MTUS2: variants seen among roughly 807,000 people sequenced by gnomAD.
MTUS2 encodes the protein microtubule associated scaffold protein 2, also known as microtubule-associated tumor suppressor candidate 2.
In MTUS2, 40 loss-of-function variants were observed where a neutral mutation model predicts 114.1. The ratio of observed to expected loss-of-function variants is 0.35; its 90% CI spans 0.27 to 0.46. The LOEUF (loss-of-function observed/expected upper bound fraction) is 0.46. Among genes scored for constraint, MTUS2 ranks in the 20% least tolerant of loss-of-function variants. The pLI is 1.00. For synonymous variants in MTUS2, 688 were observed against 672.0 expected (o/e 1.02, Z -0.37); for missense variants, 1,679 against 1,705.4 (o/e 0.98, Z 0.27).
At chr13:28,869,798 T>C (rs1160715780) in intron 2 of MTUS2, among the ~76,000 whole-genome samples, 1 of 152,046 alleles carries the variant, frequency 6.6e-6, no homozygotes, top group Non-Finnish European at 1.5e-5. Context: ...ACAAAAAAAG[T>C]AGTAAAACCA....
chr13:29,375,726 G>C (rs1348286543), intron 8 of MTUS2, among the ~76,000 whole-genome samples: 4 of 148,824 alleles, frequency 2.7e-5, no homozygotes, highest in Admixed American at 1.4e-4. Context: ...TTATTCTAAG[G>C]GGGGTTACTC....
chr13:29,472,333 A>C (rs1206459412), intron 9 of MTUS2, among the ~76,000 whole-genome samples: 1 of 152,054 alleles, frequency 6.6e-6, no homozygotes, highest in African/African-American at 2.4e-5. Flanking sequence ...TGGTCCATGA[A>C]CTTTCATCCT....
rs368384674 is a variant in MTUS2 at position 29,099,316 on chromosome 13, T to C, written c.2447-1457T>C. Among the ~76,000 whole-genome samples the C allele has an allele frequency of 2.6e-4, 40 of 152,332 alleles. 1 individual carries two copies. In the East Asian group the frequency reaches 7.3e-3, roughly 28 times the overall value. The stretch of plus-strand genomic sequence containing the variant: ...ATTTGCAGCCCCAGCTCTTTGCTTC[T>C]TTTTCCTTTTGCACTTACTCGGTTC... On this transcript the variant is annotated intron_variant, in intron 4 of 15. Coordinates refer to ENST00000612955, the MANE Select transcript of MTUS2 (RefSeq NM_001033602.4).
chr13:29,184,203 G>A (rs531548004), intron 5 of MTUS2, among the ~76,000 whole-genome samples: 102 of 152,204 alleles, frequency 6.7e-4, no homozygotes, highest in Non-Finnish European at 1.1e-3. Flanking sequence ...CAAGTATGCC[G>A]TTCAGCTACC....
At chr13:29,104,229 T>C (rs1237627226) in intron 5 of MTUS2, among the ~76,000 whole-genome samples, 2 of 152,198 alleles carry the variant, frequency 1.3e-5, no homozygotes, top group South Asian at 2.1e-4. Context: ...AAATGAATTA[T>C]GTTCATAGGT....
At chr13:29,172,601 A>T (rs1893607746) in intron 5 of MTUS2, among the ~76,000 whole-genome samples, 1 of 152,360 alleles carries the variant, frequency 6.6e-6, no homozygotes, top group South Asian at 2.1e-4. Flanking sequence ...ATAATTTATT[A>T]TAATAAAATT....
intron 7 of MTUS2, among the ~76,000 whole-genome samples, chr13:29,358,725 A>G (rs150226132): frequency 1.1e-3 from 172 of 152,302 alleles, no homozygotes; most frequent in African/African-American, 3.4e-3. Context: ...CATTGGTGCT[A>G]TAGGAATTTA....
intron 2 of MTUS2, among the ~76,000 whole-genome samples, chr13:28,938,793 T>C (rs1420918131): frequency 6.6e-6 from 1 of 152,168 alleles, no homozygotes; most frequent in Non-Finnish European, 1.5e-5. Context: ...AGTTAAGTGC[T>C]TCGGGCGTAC....
intron 5 of MTUS2, among the ~76,000 whole-genome samples, chr13:29,184,429 C>T (rs1894137021): frequency 6.6e-6 from 1 of 152,118 alleles, no homozygotes; most frequent in Non-Finnish European, 1.5e-5. Flanking sequence ...GGGCTGTGTG[C>T]ATTCTCAGGG....
chr13:29,469,637 A>AAAAG (rs57437952), intron 9 of MTUS2, among the ~76,000 whole-genome samples: 9,124 of 146,574 alleles, frequency 0.062, 1,020 homozygotes, highest in African/African-American at 0.22. Flanking sequence ...AAAAAAAAAA[A>AAAAG]AAAGAAAGAA....
intron 2 of MTUS2, among the ~76,000 whole-genome samples, chr13:28,898,176 T>TA (rs749362078): frequency 1.3e-5 from 2 of 152,160 alleles, no homozygotes; most frequent in African/African-American, 2.4e-5. Context: ...GGTTTCCTGT[T>TA]AAAAAATTCG....
intron 5 of MTUS2, among the ~76,000 whole-genome samples, chr13:29,132,832 A>G (rs1330538870): frequency 1.3e-5 from 2 of 152,194 alleles, no homozygotes; most frequent in African/African-American, 2.4e-5. Flanking sequence ...AAATATACAA[A>G]TATCTTTTTA....
intron 2 of MTUS2, among the ~76,000 whole-genome samples, chr13:29,018,230 C>T (rs1484317949): frequency 6.6e-6 from 1 of 152,100 alleles, no homozygotes; most frequent in Non-Finnish European, 1.5e-5. Context: ...AACATGTAGG[C>T]CCAGTGCTCA....
intron 5 of MTUS2, among the ~76,000 whole-genome samples, chr13:29,194,308 A>G (rs1267711328): frequency 2.6e-5 from 4 of 152,190 alleles, no homozygotes; most frequent in Admixed American, 6.5e-5. Context: ...TGAAGAGGCA[A>G]CCTACAAAAT....
At chr13:28,865,058 T>A (rs1877210539) in intron 2 of MTUS2, among the ~76,000 whole-genome samples, 1 of 152,210 alleles carries the variant, frequency 6.6e-6, no homozygotes, top group South Asian at 2.1e-4. Context: ...TGCATGTGTG[T>A]CTGTGTATAT....
At chr13:29,087,941 C>T (rs1566000853) in intron 4 of MTUS2, among the ~76,000 whole-genome samples, 1 of 151,972 alleles carries the variant, frequency 6.6e-6, no homozygotes, top group Non-Finnish European at 1.5e-5. Context: ...TGCCTGTAGT[C>T]CCAGCTACTT....
At chr13:28,861,817 G>A (rs1369819936) in intron 2 of MTUS2, among the ~76,000 whole-genome samples, 4 of 152,140 alleles carry the variant, frequency 2.6e-5, no homozygotes, top group Non-Finnish European at 5.9e-5. Context: ...GTGAGTGGAG[G>A]TGGCGACCCT....
chr13:29,185,357 A>G (rs1894179417), intron 5 of MTUS2, among the ~76,000 whole-genome samples: 2 of 152,230 alleles, frequency 1.3e-5, no homozygotes, highest in Admixed American at 6.5e-5. Flanking sequence ...AGGAACAGAA[A>G]GAATGCTTGA....
chr13:29,379,144 T>A (rs1871997807), intron 8 of MTUS2, among the ~76,000 whole-genome samples: 1 of 152,208 alleles, frequency 6.6e-6, no homozygotes, highest in Non-Finnish European at 1.5e-5. Flanking sequence ...CAATTAAACC[T>A]CTTTCCTTTA....
Sources: allele counts gnomAD v4.1 joint callset (sites outside exome capture counted in the v4.1 genomes callset), GRCh38; gene constraint gnomAD v4.1.1; transcripts MANE v1.5; gene names NCBI Gene and HGNC (gene_info 2026-07-23, HGNC 2026-07-21).